Variants in SAMMSON observed in about 807,000 individuals in gnomAD.
SAMMSON encodes the protein long intergenic non-protein coding RNA 1212.
intron 4 of SAMMSON, among the ~76,000 whole-genome samples, chr3:70,157,378 G>T (rs1163878848): frequency 6.6e-6 from 1 of 152,072 alleles, no homozygotes; most frequent in Non-Finnish European, 1.5e-5. Flanking sequence ...GGGGGAGTGT[G>T]GTAGCACATG....
chr3:70,000,066 C>T (rs1346745824), intron 1 of SAMMSON, among the ~76,000 whole-genome samples: 1 of 152,208 alleles, frequency 6.6e-6, no homozygotes, highest in East Asian at 1.9e-4. Context: ...ACAGAAAGCC[C>T]TCTGTCCTTG....
intron 7 of SAMMSON, among the ~76,000 whole-genome samples, chr3:70,305,338 A>C (rs78296581): frequency 0.04 from 6,073 of 152,280 alleles, 160 homozygotes; most frequent in East Asian, 0.08. Context: ...TGAAAACTAC[A>C]GAAATAAGAG....
chr3:70,162,294 G>T (rs2067618688), intron 4 of SAMMSON, among the ~76,000 whole-genome samples: 1 of 151,654 alleles, frequency 6.6e-6, no homozygotes, highest in African/African-American at 2.4e-5. Flanking sequence ...TTCTCTCCAA[G>T]CGTTGGTTTA....
At chr3:70,150,013 CT>C (rs1185960968) in intron 4 of SAMMSON, among the ~76,000 whole-genome samples, 1 of 152,036 alleles carries the variant, frequency 6.6e-6, no homozygotes, top group African/African-American at 2.4e-5. Flanking sequence ...CTCACCACTC[CT>C]TTTTTTCTTT....
intron 4 of SAMMSON, among the ~76,000 whole-genome samples, chr3:70,116,528 T>G (rs1362019203): frequency 2.0e-5 from 3 of 151,978 alleles, no homozygotes; most frequent in Non-Finnish European, 4.4e-5. Flanking sequence ...TTTTTTTATT[T>G]GGTTCTAAGT....
chr3:70,096,474 G>A (rs2067323253), intron 4 of SAMMSON, among the ~76,000 whole-genome samples: 1 of 152,170 alleles, frequency 6.6e-6, no homozygotes, highest in African/African-American at 2.4e-5. Flanking sequence ...AGCCCAGGAA[G>A]TTGAAGCTGC....
chr3:70,346,666 T>C (rs1702752958), intron 7 of SAMMSON, among the ~76,000 whole-genome samples: 1 of 152,172 alleles, frequency 6.6e-6, no homozygotes, highest in Non-Finnish European at 1.5e-5. Flanking sequence ...TCTTTCTGAG[T>C]TGGTCTAGGT....
intron 4 of SAMMSON, chr3:70,071,598 A>G (rs1388441909): frequency 6.6e-6 from 1 of 152,028 alleles, no homozygotes; most frequent in Non-Finnish European, 1.5e-5. Context: ...TTGAGAGAAC[A>G]TACGTAATCA....
At chr3:70,314,997 A>G (rs1184798649) in intron 7 of SAMMSON, among the ~76,000 whole-genome samples, 1 of 133,450 alleles carries the variant, frequency 7.5e-6, no homozygotes, top group Non-Finnish European at 1.7e-5. Context: ...GAGAGTATGG[A>G]TTCTTTGATT....
At chr3:70,127,218 A>T (rs1313754397) in intron 4 of SAMMSON, 1 of 152,208 alleles carries the variant, frequency 6.6e-6, no homozygotes, top group East Asian at 1.9e-4. Flanking sequence ...ATTTATTTTT[A>T]TTCTAAAGGA....
chr3:70,285,459 G>A (rs1290666234), intron 6 of SAMMSON, among the ~76,000 whole-genome samples: 2 of 151,848 alleles, frequency 1.3e-5, no homozygotes, highest in South Asian at 4.2e-4. Context: ...GTCTATCATT[G>A]TTGGACATTT....
At chr3:70,078,861 A>G (rs1231054940) in intron 4 of SAMMSON, among the ~76,000 whole-genome samples, 1 of 152,210 alleles carries the variant, frequency 6.6e-6, no homozygotes, top group Non-Finnish European at 1.5e-5. Flanking sequence ...GGCTCAGCTC[A>G]GTAAGCAAAT....
intron 4 of SAMMSON, chr3:70,206,530 A>G (rs1701292158): frequency 1.5e-5 from 6 of 396,872 alleles, no homozygotes; most frequent in Non-Finnish European, 2.7e-5. Context: ...GGGGGTTGGG[A>G]GCTTTATTTA....
intron 4 of SAMMSON, among the ~76,000 whole-genome samples, chr3:70,222,666 C>T (rs1701471620): frequency 6.6e-6 from 1 of 152,210 alleles, no homozygotes; most frequent in South Asian, 2.1e-4. Context: ...ACATCCTTAC[C>T]ACTTAGCTAA....
chr3:70,222,125 C>T (rs1182623293), intron 4 of SAMMSON, among the ~76,000 whole-genome samples: 1 of 152,146 alleles, frequency 6.6e-6, no homozygotes, highest in Non-Finnish European at 1.5e-5. Flanking sequence ...TGTTCCACAG[C>T]TTCTCCCTGT....
chr3:70,320,728 C>T (rs1263519700), intron 7 of SAMMSON, among the ~76,000 whole-genome samples: 1 of 152,096 alleles, frequency 6.6e-6, no homozygotes, highest in East Asian at 1.9e-4. Context: ...GTCATTCAAG[C>T]TGGCCAATCC....
intron 4 of SAMMSON, chr3:70,197,203 C>T (rs1297453385): frequency 1.0e-5 from 4 of 398,332 alleles, no homozygotes; most frequent in Non-Finnish European, 1.8e-5. Context: ...AAGAAGAAGA[C>T]CAATTAATAG....
intron 2 of SAMMSON, among the ~76,000 whole-genome samples, chr3:70,408,765 C>T (rs1005251915): frequency 5.3e-5 from 8 of 152,172 alleles, no homozygotes; most frequent in Non-Finnish European, 7.3e-5. Context: ...GTTCCAAAGT[C>T]GCTTCCACAT....
chr3:70,192,310 G>A (rs1559531458), intron 4 of SAMMSON, among the ~76,000 whole-genome samples: 1 of 152,200 alleles, frequency 6.6e-6, no homozygotes, highest in Non-Finnish European at 1.5e-5. Context: ...CCAGGCCTAA[G>A]TAGTTCTGCT....
Sources: allele counts gnomAD v4.1 joint callset (sites outside exome capture counted in the v4.1 genomes callset), GRCh38; gene constraint gnomAD v4.1.1; transcripts MANE v1.5; gene names NCBI Gene and HGNC (gene_info 2026-07-23, HGNC 2026-07-21).